Variants in PFKFB3 observed in about 807,000 individuals in gnomAD.
PFKFB3 encodes 6-phosphofructo-2-kinase/fructose-2,6-biphosphatase 3.
PFKFB3 carries 33 observed loss-of-function variants against 68.0 expected under a neutral mutation model. That is an observed-to-expected ratio of 0.49 (90% CI 0.37 to 0.65). The LOEUF (loss-of-function observed/expected upper bound fraction) is 0.65, where lower values mean the gene tolerates loss of function less well. Among genes scored for constraint, PFKFB3 ranks in the 30% least tolerant of loss-of-function variants. The pLI, the probability that PFKFB3 is intolerant of heterozygous loss-of-function variation, is 0.00. For missense variants in PFKFB3, 586 were observed against 712.2 expected, an observed-to-expected ratio of 0.82 and a Z score of 2.02; for synonymous variants, 315 against 288.2, an observed-to-expected ratio of 1.09 and a Z score of -0.94.
intron 4 of PFKFB3, 105 bp from the exon 5 acceptor site, chr10:6,216,601 G>A (rs1844604675): frequency 1.2e-6 from 1 of 832,364 alleles, no homozygotes; most frequent in Non-Finnish European, 2.0e-6. Flanking sequence ...AGCACTTTTG[G>A]GGCTTATTCC....
Position 6,229,897 on chromosome 10 carries a change from G to T in PFKFB3, c.1516-2998G>T, listed in dbSNP as rs181529468. On this transcript the variant is annotated intron_variant, in intron 14 of 14. Coordinates refer to ENST00000379775, the MANE Select transcript of PFKFB3 (RefSeq NM_004566.4). The surrounding 1 kb of genome is among the most constrained non-coding windows in gnomAD (Gnocchi z 4.3). ...AGGGAACGCACAGCCTAGATCCCTC[G>T]TGTGTGCTCCTCCGAGTCAGGTGGT... Among the ~76,000 whole-genome samples the T allele has an allele frequency of 3.3e-5, 5 of 152,048 alleles. No homozygotes were observed. The highest frequency in any genetic ancestry group is 3.3e-4 in the Admixed American group (5 of 15,272).
chr10:6,151,790 G>A (rs1429916372), intron 1 of PFKFB3, among the ~76,000 whole-genome samples: 1 of 152,130 alleles, frequency 6.6e-6, no homozygotes, highest in East Asian at 1.9e-4. Flanking sequence ...CCTAGGCATG[G>A]GGTAGACCTG....
At chr10:6,231,721 C>T (rs893800879) in intron 14 of PFKFB3, 6 of 367,134 alleles carry the variant, frequency 1.6e-5, no homozygotes, top group Non-Finnish European at 2.3e-5. Context: ...GAGAATTGCC[C>T]CCTCCCAGTG....
chr10:6,254,567 A>G (rs963923795), exon 15 of PFKFB3: 10 of 388,572 alleles, frequency 2.6e-5, no homozygotes, highest in Admixed American at 4.5e-5. Context: ...TAGAAGTGGA[A>G]ATAGTGCTTC....
chr10:6,238,071 C>T (rs371634038), downstream of PFKFB3, among the ~76,000 whole-genome samples: 3 of 151,932 alleles, frequency 2.0e-5, no homozygotes, highest in East Asian at 3.8e-4. Context: ...TAAAGACACC[C>T]GAATCGCCTC....
chr10:6,174,482 G>A (rs1288651060), intron 1 of PFKFB3, among the ~76,000 whole-genome samples: 4 of 152,208 alleles, frequency 2.6e-5, no homozygotes, highest in African/African-American at 7.2e-5. Context: ...GAGAGATTCC[G>A]TGGCCCGGGC....
chr10:6,147,838 G>GCCTGACGGGGTGGTCCATACAGGGGA (rs1564581297), intron 1 of PFKFB3, among the ~76,000 whole-genome samples: 1 of 151,410 alleles, frequency 6.6e-6, no homozygotes, highest in African/African-American at 2.4e-5. Context: ...ATACAGGGGA[G>GCCTGACGGGGTGGTCCATACAGGGGA]CCTGACGGGG....
the PFKFB3 span, among the ~76,000 whole-genome samples, chr10:6,315,270 G>T: frequency 2.0e-5 from 3 of 152,148 alleles, no homozygotes; most frequent in Non-Finnish European, 4.4e-5. Context: ...CCCAGAGTGC[G>T]CATGAAACTG....
chr10:6,199,927 A>G (rs1843280336), upstream of PFKFB3, among the ~76,000 whole-genome samples: 2 of 151,920 alleles, frequency 1.3e-5, no homozygotes, highest in Non-Finnish European at 2.9e-5. Context: ...TCAGCGGCTA[A>G]ATTAGGATTC....
At chr10:6,251,098 T>C (rs1846371736) in intron 14 of PFKFB3, among the ~76,000 whole-genome samples, 1 of 152,208 alleles carries the variant, frequency 6.6e-6, no homozygotes, top group Non-Finnish European at 1.5e-5. Flanking sequence ...GTTGAAACCA[T>C]TGAACCAGGA....
intron 13 of PFKFB3, 149 bp from the exon 14 acceptor site, chr10:6,226,043 A>C (rs1845324684): frequency 1.5e-6 from 1 of 658,496 alleles, no homozygotes; most frequent in African/African-American, 1.9e-5. Context: ...TCAGCAGCCC[A>C]TGGTCCCTGG....
chr10:6,319,312 G>A, the PFKFB3 span, among the ~76,000 whole-genome samples: 107,671 of 152,126 alleles, frequency 0.71, 38,176 homozygotes, highest in Middle Eastern at 0.81. Context: ...CATATACACA[G>A]TGGAATAGTA....
chr10:6,188,102 G>C (rs948782729), intron 1 of PFKFB3, among the ~76,000 whole-genome samples: 3 of 151,910 alleles, frequency 2.0e-5, no homozygotes, highest in Non-Finnish European at 4.4e-5. Flanking sequence ...TGAAGACAGA[G>C]AGAAATATAT....
rs1845625455 is a variant in PFKFB3 at position 6,229,925 on chromosome 10, T to C, written c.1516-2970T>C. ...TGTGCTCCTCCGAGTCAGGTGGTAA[T>C]GTTGGCCCACCCACCACCCACCTCC... On this transcript the variant is annotated intron_variant, in intron 14 of 14. Transcript: ENST00000379775. The surrounding 1 kb of genome is among the most constrained non-coding windows in gnomAD (Gnocchi z 4.3). Among the ~76,000 whole-genome samples the C allele has an allele frequency of 6.6e-6, 1 of 151,946 alleles. No individual in the cohort carries two copies. Among genetic ancestry groups the C allele is most frequent in the Non-Finnish European group, 1.5e-5 (1 of 67,974 alleles).
At chr10:6,182,899 T>C (rs1842759440) in intron 1 of PFKFB3, among the ~76,000 whole-genome samples, 1 of 152,150 alleles carries the variant, frequency 6.6e-6, no homozygotes, top group African/African-American at 2.4e-5. Context: ...GGGTCTTCAC[T>C]TGCTTCACAG....
intron 14 of PFKFB3, among the ~76,000 whole-genome samples, chr10:6,243,774 A>G (rs1482101575): frequency 6.6e-6 from 1 of 152,202 alleles, no homozygotes; most frequent in African/African-American, 2.4e-5. Flanking sequence ...CCAAGGCTGA[A>G]GTGCAGTGGC....
the PFKFB3 span, among the ~76,000 whole-genome samples, chr10:6,325,895 C>G: frequency 6.6e-6 from 1 of 152,184 alleles, no homozygotes; most frequent in African/African-American, 2.4e-5. Flanking sequence ...CTGTATAGTT[C>G]CTTCCTCATG....
the PFKFB3 span, among the ~76,000 whole-genome samples, chr10:6,288,986 G>C: frequency 6.6e-6 from 1 of 151,606 alleles, no homozygotes; most frequent in South Asian, 2.1e-4. Flanking sequence ...GTGTTTTTTG[G>C]CTGCATAAAT....
the PFKFB3 span, among the ~76,000 whole-genome samples, chr10:6,287,478 C>T: frequency 6.6e-6 from 1 of 152,118 alleles, no homozygotes. Context: ...TTACAATTTC[C>T]TACAGTATTT....
Sources: allele counts gnomAD v4.1 joint callset (sites outside exome capture counted in the v4.1 genomes callset), GRCh38; gene constraint gnomAD v4.1.1; non-coding constraint Gnocchi (gnomAD v3.1); transcripts MANE v1.5; gene names NCBI Gene and HGNC (gene_info 2026-07-23, HGNC 2026-07-21).